The following BLTP1 variants were observed in gnomAD, a reference collection of about 807,000 sequenced individuals.
BLTP1 encodes the protein fragile site-associated protein.
At chr4:122,165,569 A>G in the BLTP1 span, among the ~76,000 whole-genome samples, 3 of 128,036 alleles carry the variant, frequency 2.3e-5, 1 homozygote, top group East Asian at 9.4e-4. Context: ...TTGTTTTATA[A>G]TCCTTTGGGT....
At chr4:122,170,391 C>CATTT in the BLTP1 span, 1 of 978,816 alleles carries the variant, frequency 1.0e-6, no homozygotes, top group Admixed American at 6.2e-5. Context: ...TTAGTGCTTA[C>CATTT]ATTTAGAATG....
the BLTP1 span, chr4:122,220,926 T>C: frequency 5.4e-6 from 1 of 184,124 alleles, no homozygotes; most frequent in South Asian, 1.9e-4. Flanking sequence ...AAGATACCTC[T>C]GGGCTCTTTT....
chr4:122,301,478 C>T, the BLTP1 span: 1 of 694,062 alleles, frequency 1.4e-6, no homozygotes, highest in Non-Finnish European at 2.3e-6. Context: ...TTGTATCTTA[C>T]ATAAATTACC....
chr4:122,355,020 T>C, the BLTP1 span, among the ~76,000 whole-genome samples: 5 of 152,056 alleles, frequency 3.3e-5, no homozygotes, highest in East Asian at 9.6e-4. Flanking sequence ...ACAGTTACCA[T>C]GGAATAGGCC....
the BLTP1 span, chr4:122,189,796 A>C: frequency 1.1e-6 from 1 of 903,618 alleles, no homozygotes; most frequent in Non-Finnish European, 1.3e-6. Context: ...TATTAAGTCC[A>C]ACATAGAATA....
At chr4:122,308,995 A>T in the BLTP1 span, among the ~76,000 whole-genome samples, 3 of 152,222 alleles carry the variant, frequency 2.0e-5, no homozygotes, top group South Asian at 4.1e-4. Context: ...GGTGGGTGGC[A>T]TAGTGAGATC....
At chr4:122,307,260 CAA>C in the BLTP1 span, among the ~76,000 whole-genome samples, 1 of 152,010 alleles carries the variant, frequency 6.6e-6, no homozygotes, top group African/African-American at 2.4e-5. Flanking sequence ...GTGCATGAAA[CAA>C]AGTTTTGACA....
the BLTP1 span, among the ~76,000 whole-genome samples, chr4:122,358,584 T>C: frequency 6.6e-6 from 1 of 152,288 alleles, no homozygotes; most frequent in African/African-American, 2.4e-5. Flanking sequence ...TGTAGCACTG[T>C]AACCACCACC....
chr4:122,293,018 A>C, the BLTP1 span: 1 of 910,748 alleles, frequency 1.1e-6, no homozygotes, highest in Non-Finnish European at 1.3e-6. Flanking sequence ...TAACCTCCTT[A>C]ATAACACTTC....
the BLTP1 span, chr4:122,185,112 A>G: frequency 1.0e-6 from 1 of 983,836 alleles, no homozygotes; most frequent in Non-Finnish European, 1.2e-6. Flanking sequence ...TTGTAAGTTT[A>G]AATCTATATT....
the BLTP1 span, chr4:122,301,020 T>TC: frequency 3.7e-5 from 36 of 980,772 alleles, 1 homozygote; most frequent in East Asian, 4.1e-3. Flanking sequence ...TTTACTTTTT[T>TC]CCCTCAAATG....
chr4:122,235,149 A>G, the BLTP1 span: 1 of 921,380 alleles, frequency 1.1e-6, no homozygotes, highest in South Asian at 1.9e-5. Context: ...AGTAGGGTTT[A>G]GTATAATCCA....
chr4:122,280,193 T>C, the BLTP1 span: 2 of 985,138 alleles, frequency 2.0e-6, no homozygotes, highest in Non-Finnish European at 2.4e-6. Flanking sequence ...CAATTGTCAG[T>C]GTTCCATATT....
the BLTP1 span, chr4:122,243,655 T>C: frequency 1.2e-5 from 4 of 333,490 alleles, no homozygotes; most frequent in South Asian, 2.4e-4. Flanking sequence ...AGGAGGAGGT[T>C]GCAGTGAGCT....
the BLTP1 span, chr4:122,246,284 G>A: frequency 1.6e-4 from 248 of 1,583,230 alleles, no homozygotes; most frequent in Non-Finnish European, 9.2e-5. Context: ...TCAGACTAAT[G>A]TTAGCATACC....
the BLTP1 span, chr4:122,207,139 C>T: frequency 1.2e-6 from 2 of 1,605,578 alleles, no homozygotes; most frequent in Non-Finnish European, 1.7e-6. Context: ...TAGTGACAGT[C>T]CTCCAGACAT....
At chr4:122,219,522 T>C in the BLTP1 span, 1 of 1,614,004 alleles carries the variant, frequency 6.2e-7, no homozygotes, top group Non-Finnish European at 8.5e-7. Flanking sequence ...CTTGGGATAT[T>C]ACTGTACTTG....
the BLTP1 span, among the ~76,000 whole-genome samples, chr4:122,202,285 T>C: frequency 6.6e-6 from 1 of 152,060 alleles, no homozygotes; most frequent in African/African-American, 2.4e-5. Context: ...CACTTCTCAG[T>C]TCAAATTTAT....
chr4:122,192,535 GCTTCT>G, the BLTP1 span: 5 of 198,516 alleles, frequency 2.5e-5, no homozygotes, highest in Non-Finnish European at 4.5e-5. Context: ...CTTGCTTGTG[GCTTCT>G]CCACAAGCAA....
Sources: gnomAD v4.1 joint callset for allele counts (sites outside exome capture counted in the v4.1 genomes callset) on GRCh38, gnomAD v4.1.1 for gene constraint, MANE v1.5 for transcripts, NCBI Gene and HGNC (gene_info 2026-07-23, HGNC 2026-07-21) for gene names.